Variants in CAST observed in about 807,000 individuals in gnomAD.
CAST encodes the protein MIR583 host.
CAST carries 76 observed loss-of-function variants against 119.6 expected under a neutral mutation model. The observed-to-expected ratio is 0.64, with a 90% confidence interval of 0.53 to 0.77. The LOEUF (loss-of-function observed/expected upper bound fraction) is 0.77. Ranked by LOEUF, CAST falls within the 30% of genes least tolerant of loss-of-function variation. The pLI, the probability that CAST is intolerant of heterozygous loss-of-function variation, is 0.00. For missense variants in CAST, 953 were observed against 946.5 expected, an observed-to-expected ratio of 1.01 and a Z score of -0.09; for synonymous variants, 319 against 331.6, an observed-to-expected ratio of 0.96 and a Z score of 0.41.
At chr5:96,765,827 A>G (rs1353849350) in intron 26 of CAST, among the ~76,000 whole-genome samples, 1 of 152,198 alleles carries the variant, frequency 6.6e-6, no homozygotes, top group Non-Finnish European at 1.5e-5. Context: ...ATAGCTAGAA[A>G]ATTCACAGAT....
the CAST span, among the ~76,000 whole-genome samples, chr5:96,118,568 G>C: frequency 1.3e-5 from 2 of 151,038 alleles, no homozygotes; most frequent in Non-Finnish European, 2.9e-5. Context: ...AATGTCTACT[G>C]ACTAACCAAT....
At chr5:96,031,678 T>C in the CAST span, among the ~76,000 whole-genome samples, 1 of 152,188 alleles carries the variant, frequency 6.6e-6, no homozygotes, top group South Asian at 2.1e-4. Context: ...GACTATGGTC[T>C]ATATCAATGT....
At chr5:96,433,571 T>C in the CAST span, among the ~76,000 whole-genome samples, 1 of 152,306 alleles carries the variant, frequency 6.6e-6, no homozygotes, top group South Asian at 2.1e-4. Context: ...CCATTTTCTC[T>C]GTATTTACTT....
rs1362253046 is a variant in CAST at position 96,742,486 on chromosome 5, C to T, written c.1099-169C>T. 9 of 591,500 alleles carry T rather than the reference C, an allele frequency of 1.5e-5. No homozygotes were observed. In the East Asian group the frequency reaches 2.3e-4, roughly 15 times the overall value. 36.6% of individuals were successfully genotyped at this position (591,500 alleles called of 1,614,324 possible). A position where few individuals can be genotyped will look rare whatever the true frequency, so the allele number is the denominator to read the frequency against. ...CCCAATTTCCACTCATTGGTAAGTT[C>T]TTTTTCCTTTCTCTCTTTTGCAAGG... is the stretch of plus-strand genomic sequence containing the variant. On this transcript the variant is annotated intron_variant, in intron 15 of 31. Coordinates refer to ENST00000675179, the MANE Select transcript of CAST (RefSeq NM_001750.7).
At chr5:96,207,938 G>A in the CAST span, among the ~76,000 whole-genome samples, 4 of 151,866 alleles carry the variant, frequency 2.6e-5, no homozygotes, top group South Asian at 6.2e-4. Flanking sequence ...GCTTTTTCTG[G>A]TTGTTAGGCT....
the CAST span, among the ~76,000 whole-genome samples, chr5:96,124,219 T>C: frequency 6.6e-6 from 1 of 152,120 alleles, no homozygotes; most frequent in Non-Finnish European, 1.5e-5. Flanking sequence ...CTGGCTATGT[T>C]GCACAGGCTG....
chr5:96,163,330 T>C, the CAST span, among the ~76,000 whole-genome samples: 6 of 152,210 alleles, frequency 3.9e-5, no homozygotes. Flanking sequence ...TAAAATTTCA[T>C]TGACCTTTTA....
rs988415839 is a variant in CAST at position 96,773,735 on chromosome 5, G to T, written c.*1119G>T. On this transcript the variant is annotated 3_prime_UTR_variant, in exon 32 of 32. Transcript: ENST00000675179. Reference sequence around the variant, plus strand: ...TCCTGAACATTGCACTGATATCATCGATTAGAATTTTGATATTTAATTTCA... The same window carrying T: ...TCCTGAACATTGCACTGATATCATCTATTAGAATTTTGATATTTAATTTCA... 6.6e-6 allele frequency: 1 copy of T among 152,132 alleles called. No homozygotes were observed. The allele number at this position is 152,132 out of a possible 1,614,324, so 9.4% of individuals were successfully genotyped here.
the CAST span, among the ~76,000 whole-genome samples, chr5:96,344,938 G>T: frequency 1.3e-5 from 2 of 152,188 alleles, no homozygotes; most frequent in Non-Finnish European, 2.9e-5. Flanking sequence ...GACACAAGGG[G>T]TCAGCATTTG....
chr5:96,164,732 A>C, the CAST span, among the ~76,000 whole-genome samples: 2 of 152,220 alleles, frequency 1.3e-5, no homozygotes, highest in Non-Finnish European at 2.9e-5. Context: ...TGCAGAGAAA[A>C]AAAGTGTAAC....
chr5:95,979,354 C>A, the CAST span, among the ~76,000 whole-genome samples: 2 of 152,096 alleles, frequency 1.3e-5, no homozygotes, highest in Admixed American at 1.3e-4. Context: ...CCTTCCTAGA[C>A]AAAATAACTT....
chr5:96,397,200 C>A, the CAST span: 1 of 769,588 alleles, frequency 1.3e-6, no homozygotes, highest in East Asian at 2.7e-5. Context: ...GCTTGAAACA[C>A]TCTACTTTTC....
intron 3 of CAST, among the ~76,000 whole-genome samples, chr5:96,703,085 T>A (rs1754197808): frequency 6.6e-6 from 1 of 152,180 alleles, no homozygotes. Flanking sequence ...TACCGTGCGT[T>A]CTGAGTTTAA....
the CAST span, among the ~76,000 whole-genome samples, chr5:96,186,981 G>A: frequency 6.6e-6 from 1 of 152,070 alleles, no homozygotes; most frequent in East Asian, 1.9e-4. Context: ...TCTGGTCCTG[G>A]GCTTCGTTTT....
upstream of CAST, among the ~76,000 whole-genome samples, chr5:96,523,212 G>A (rs1016318270): frequency 6.6e-6 from 1 of 152,184 alleles, no homozygotes; most frequent in South Asian, 2.1e-4. Flanking sequence ...GCTGCCTGGT[G>A]TGCCCACACA....
chr5:96,173,698 T>C, the CAST span, among the ~76,000 whole-genome samples: 1 of 152,214 alleles, frequency 6.6e-6, no homozygotes, highest in African/African-American at 2.4e-5. Context: ...ATTATTTTTA[T>C]CATTATATTA....
the CAST span, among the ~76,000 whole-genome samples, chr5:96,044,173 T>G: frequency 2.0e-5 from 3 of 152,168 alleles, no homozygotes; most frequent in Non-Finnish European, 4.4e-5. Context: ...CTTGGGAAAA[T>G]CGTTCAGCAG....
the CAST span, among the ~76,000 whole-genome samples, chr5:96,272,303 T>G: frequency 6.6e-6 from 1 of 152,192 alleles, no homozygotes; most frequent in African/African-American, 2.4e-5. Context: ...AAGATATCTC[T>G]GTACTCCCAT....
In CAST at chr5:96,774,416, G is replaced by T; in HGVS notation, c.*1800G>T. 1 of 663,294 alleles carries T rather than the reference G, an allele frequency of 1.5e-6. No homozygotes were observed. Among genetic ancestry groups the T allele is most frequent in the Non-Finnish European group, 1.9e-6 (1 of 533,706 alleles). The allele number at this position is 663,294 out of a possible 1,614,324, so 41.1% of individuals were successfully genotyped here. On this transcript the variant is annotated 3_prime_UTR_variant, in exon 32 of 32. Coordinates refer to ENST00000675179, the MANE Select transcript of CAST (RefSeq NM_001750.7). The stretch of plus-strand genomic sequence containing the variant: ...TGTTAATAACTAATAACTGGAGTAA[G>T]CTACAGGATCTAAAGCAGCCCTTTT...
Sources: gnomAD v4.1 joint callset for allele counts (sites outside exome capture counted in the v4.1 genomes callset) on GRCh38, gnomAD v4.1.1 for gene constraint, MANE v1.5 for transcripts, NCBI Gene and HGNC (gene_info 2026-07-23, HGNC 2026-07-21) for gene names.